NAA40: variants seen among roughly 807,000 people sequenced by gnomAD.
NAA40 encodes the protein N-alpha-acetyltransferase 40, NatD catalytic subunit.
In NAA40, 26 loss-of-function variants were observed where a neutral mutation model predicts 36.6. The observed-to-expected ratio is 0.71, with a 90% CI of 0.52 to 0.98. The LOEUF is 0.98. NAA40 is among the 50% of genes least tolerant of loss of function. The pLI is 0.00. For synonymous variants in NAA40, 129 were observed against 108.4 expected, an observed-to-expected ratio of 1.19 and a Z score of -1.18; for missense variants, 237 against 306.5, an observed-to-expected ratio of 0.77 and a Z score of 1.69.
chr11:63,950,525 TGATC>T (rs1942263230), intron 3 of NAA40, among the ~76,000 whole-genome samples: 1 of 151,980 alleles, frequency 6.6e-6, no homozygotes, highest in East Asian at 1.9e-4. Context: ...TACAATGGCA[TGATC>T]TTGGCTCACT....
intron 3 of NAA40, among the ~76,000 whole-genome samples, chr11:63,950,057 T>G (rs534385854): frequency 7.4e-4 from 113 of 151,774 alleles, no homozygotes; most frequent in Non-Finnish European, 1.5e-3. Context: ...CTTGGAAGGT[T>G]TTTTTTAAGG....
intron 3 of NAA40, among the ~76,000 whole-genome samples, chr11:63,949,454 G>A (rs926412342): frequency 2.0e-5 from 3 of 152,014 alleles, no homozygotes; most frequent in African/African-American, 7.3e-5. Flanking sequence ...CACCCTGTTT[G>A]CTGTTACTAT....
At chr11:63,939,430 G>A (rs1942070718) in intron 1 of NAA40, 3 of 1,128,680 alleles carry the variant, frequency 2.7e-6, no homozygotes, top group Non-Finnish European at 3.3e-6. Context: ...CTCCCCCAGG[G>A]TCACTCATCA....
intron 1 of NAA40, 131 bp downstream of exon 1, chr11:63,939,233 T>G: frequency 1.9e-6 from 2 of 1,055,948 alleles, no homozygotes; most frequent in Non-Finnish European, 2.4e-6. Context: ...GACCCCCACA[T>G]GACCCGACTC....
rs1300318158 is a variant in NAA40 at position 63,952,107 on chromosome 11, G to A, written c.156-131G>A. On this transcript the variant is annotated intron_variant, in intron 3 of 7. Coordinates refer to ENST00000377793, the MANE Select transcript of NAA40 (RefSeq NM_024771.4). ...CACCTTCTCTAGTCATGCTGGGGCAGATACAGGGTTGGCTTTTCTCTGTGC... is the reference window on the plus strand; with the variant it reads ...CACCTTCTCTAGTCATGCTGGGGCAAATACAGGGTTGGCTTTTCTCTGTGC... The A allele has an allele frequency of 1.1e-5, 7 of 662,152 alleles. No individual in the cohort carries two copies. In the African/African-American group the frequency reaches 1.3e-4, roughly 12 times the overall value. 41.0% of individuals were successfully genotyped at this position (662,152 alleles called of 1,614,324 possible).
chr11:63,951,936 TAAAG>T (rs1342356712), intron 3 of NAA40, among the ~76,000 whole-genome samples: 4 of 151,868 alleles, frequency 2.6e-5, no homozygotes, highest in African/African-American at 7.3e-5. Context: ...AGAAAAAGAA[TAAAG>T]AGAGAGCAGA....
At chr11:63,943,269 C>T (rs1314485991) in intron 1 of NAA40, among the ~76,000 whole-genome samples, 1 of 152,196 alleles carries the variant, frequency 6.6e-6, no homozygotes, top group Non-Finnish European at 1.5e-5. Flanking sequence ...CAGCCCTGGA[C>T]ACCTTCCATC....
intron 1 of NAA40, among the ~76,000 whole-genome samples, chr11:63,942,586 T>G (rs1258637309): frequency 6.6e-6 from 1 of 152,226 alleles, no homozygotes; most frequent in Non-Finnish European, 1.5e-5. Flanking sequence ...AAAAGACACT[T>G]AACCACAGTG....
intron 3 of NAA40, among the ~76,000 whole-genome samples, chr11:63,948,218 A>G (rs980348430): frequency 6.6e-6 from 1 of 152,124 alleles, no homozygotes; most frequent in African/African-American, 2.4e-5. Flanking sequence ...CAAACTTGGA[A>G]AATTATCTAG....
At chr11:63,953,156 C>A (rs1344020201) in intron 6 of NAA40, among the ~76,000 whole-genome samples, 1 of 145,384 alleles carries the variant, frequency 6.9e-6, no homozygotes, top group Non-Finnish European at 1.5e-5. Context: ...TTAAGCAATT[C>A]TTCTGCTCAG....
chr11:63,939,484 C>T, intron 1 of NAA40: 2 of 1,031,964 alleles, frequency 1.9e-6, no homozygotes, highest in Non-Finnish European at 2.3e-6. Context: ...CCGAGGTCAA[C>T]CCTGGCTTGG....
intron 2 of NAA40, chr11:63,946,182 A>G (rs1277214370): frequency 9.4e-6 from 5 of 531,040 alleles, no homozygotes; most frequent in African/African-American, 1.9e-5. Context: ...CTTCTTCCTT[A>G]TGAATAGAGG....
intron 1 of NAA40, among the ~76,000 whole-genome samples, chr11:63,940,436 T>C (rs1372417596): frequency 6.6e-6 from 1 of 152,228 alleles, no homozygotes; most frequent in Non-Finnish European, 1.5e-5. Context: ...CCGTCTTCGC[T>C]GCTGGTGGTA....
chr11:63,944,978 G>C (rs1045883358), intron 1 of NAA40, among the ~76,000 whole-genome samples: 1 of 151,942 alleles, frequency 6.6e-6, no homozygotes, highest in Non-Finnish European at 1.5e-5. Flanking sequence ...GGCTCTTGCC[G>C]TGTGTTACCT....
chr11:63,946,627 C>T, intron 2 of NAA40: 1 of 1,319,902 alleles, frequency 7.6e-7, no homozygotes, highest in South Asian at 1.6e-5. Flanking sequence ...CAGGTAAAGT[C>T]AGTGTGCAGC....
intron 2 of NAA40, chr11:63,946,340 A>G (rs894411394): frequency 3.6e-5 from 9 of 249,750 alleles, no homozygotes; most frequent in African/African-American, 1.6e-4. Flanking sequence ...CAGCCTCTCA[A>G]TTAGCTGGGA....
At position 63,939,019 on chromosome 11, in the gene NAA40, C is replaced by T; in HGVS notation, c.-78C>T. The T allele has an allele frequency of 6.6e-7, 1 of 1,505,454 alleles. No individual in the cohort carries two copies. Among genetic ancestry groups the T allele is most frequent in the South Asian group, 1.1e-5 (1 of 87,860 alleles). The allele number at this position is 1,505,454 out of a possible 1,614,324, so 93.3% of individuals were successfully genotyped here. ...GCAGGGCCGTCCGCTCTGCTGCCGC[C>T]GCTGTTGCAGCCACCGCCGTTGCCG... On this transcript the variant is annotated 5_prime_UTR_variant, in exon 1 of 8. Transcript: ENST00000377793.
intron 1 of NAA40, among the ~76,000 whole-genome samples, chr11:63,944,714 C>A (rs1296621727): frequency 1.3e-5 from 2 of 151,920 alleles, no homozygotes; most frequent in Non-Finnish European, 2.9e-5. Flanking sequence ...ACCAGCCTGG[C>A]CAACTTGGTG....
intron 6 of NAA40, 112 bp from the exon 7 acceptor site, chr11:63,953,860 G>C: frequency 1.2e-6 from 1 of 868,212 alleles, no homozygotes; most frequent in Non-Finnish European, 1.8e-6. Flanking sequence ...TAACTCCTGG[G>C]CTCAAATGAT....
Sources: gnomAD v4.1 joint callset for allele counts (sites outside exome capture counted in the v4.1 genomes callset) on GRCh38, gnomAD v4.1.1 for gene constraint, MANE v1.5 for transcripts, NCBI Gene and HGNC (gene_info 2026-07-23, HGNC 2026-07-21) for gene names.